Variants in NCOA1 observed in about 807,000 individuals in gnomAD.
The protein encoded by NCOA1 is Hin-2 protein.
NCOA1 carries 35 observed loss-of-function variants against 150.9 expected under a neutral mutation model. The observed-to-expected ratio is 0.23, with a 90% CI of 0.18 to 0.31. The LOEUF (loss-of-function observed/expected upper bound fraction) is 0.31, where lower values mean the gene tolerates loss of function less well. Ranked by LOEUF, NCOA1 falls within the 10% of genes least tolerant of loss-of-function variation. The probability of loss-of-function intolerance (pLI) is 1.00; values close to 1 mark genes in which losing one functional copy is unlikely to be tolerated. For missense variants in NCOA1, 1,491 were observed against 1,749.3 expected, an observed-to-expected ratio of 0.85 and a Z score of 2.63; for synonymous variants, 590 against 630.0, an observed-to-expected ratio of 0.94 and a Z score of 0.95.
chr2:24,536,911 C>T (rs13034152), intron 1 of NCOA1, among the ~76,000 whole-genome samples: 66 of 152,076 alleles, frequency 4.3e-4, no homozygotes, highest in African/African-American at 1.6e-3. Context: ...TAAGTAGGAG[C>T]TAAGCTATGG....
chr2:24,734,383 C>T (rs922747048), intron 17 of NCOA1, among the ~76,000 whole-genome samples: 1 of 152,060 alleles, frequency 6.6e-6, no homozygotes, highest in Non-Finnish European at 1.5e-5. Context: ...AAAATCTCAA[C>T]ATGGAATTTG....
At chr2:24,746,598 A>G (rs983618742) in intron 19 of NCOA1, among the ~76,000 whole-genome samples, 1 of 152,198 alleles carries the variant, frequency 6.6e-6, no homozygotes, top group African/African-American at 2.4e-5. Context: ...TTTTTCATCT[A>G]GAAGAACTAG....
intron 3 of NCOA1, among the ~76,000 whole-genome samples, chr2:24,633,868 A>G (rs1485296864): frequency 2.6e-5 from 4 of 152,214 alleles, no homozygotes; most frequent in East Asian, 1.9e-4. Context: ...ACTTATGCAT[A>G]TGAAGATCTG....
At position 24,491,438 on chromosome 2, in the gene NCOA1, C is replaced by T. The variant is rs1662946749; in HGVS notation, c.-560C>T. Among the ~76,000 whole-genome samples, 1 of 26,304 alleles carries T rather than the reference C, an allele frequency of 3.8e-5. No individual in the cohort carries two copies. Among genetic ancestry groups the T allele is most frequent in the African/African-American group, 2.2e-4 (1 of 4,598 alleles). The allele number at this position is 26,304 out of a possible 152,430, so 17.3% of individuals were successfully genotyped here. On this transcript the variant is annotated 5_prime_UTR_variant, in exon 1 of 23. Coordinates refer to ENST00000348332, the MANE Select transcript of NCOA1 (RefSeq NM_003743.5). ...CTGCTCCCTCGAGCGGAGCCTGCGTCAGGTTCCCTCTGCATCCCCCTGCGG... is the reference window on the plus strand; with the variant it reads ...CTGCTCCCTCGAGCGGAGCCTGCGTTAGGTTCCCTCTGCATCCCCCTGCGG...
rs1664732079 is a variant in NCOA1 at position 24,528,317 on chromosome 2, G to A, written c.-395-35978G>A. 4.0e-5 allele frequency among the ~76,000 whole-genome samples: 6 copies of A among 150,846 alleles called. No individual in the cohort carries two copies. In the Admixed American group the frequency reaches 4.0e-4, roughly 10 times the overall value. On this transcript the variant is annotated intron_variant, in intron 1 of 22. Coordinates refer to ENST00000348332, the MANE Select transcript of NCOA1 (RefSeq NM_003743.5). Reference sequence around the variant, plus strand: ...GTCTTACATTTGAATTAATTTCTGTGGCGTCAAATAAGGGTCCAATTTCAT... The same window carrying A: ...GTCTTACATTTGAATTAATTTCTGTAGCGTCAAATAAGGGTCCAATTTCAT...
At chr2:24,647,962 C>A (rs944390111) in intron 4 of NCOA1, among the ~76,000 whole-genome samples, 30 of 152,204 alleles carry the variant, frequency 2.0e-4, no homozygotes, top group African/African-American at 7.0e-4. Flanking sequence ...TGTTTGTTAT[C>A]ATAATTATTA....
At chr2:24,536,051 A>C (rs1391289616) in intron 1 of NCOA1, among the ~76,000 whole-genome samples, 7 of 152,332 alleles carry the variant, frequency 4.6e-5, no homozygotes, top group Middle Eastern at 3.4e-3. Flanking sequence ...GCATTTTCCA[A>C]CTTGGTTCCA....
chr2:24,715,192 C>CTT (rs1223016175), intron 14 of NCOA1, among the ~76,000 whole-genome samples: 1 of 152,028 alleles, frequency 6.6e-6, no homozygotes, highest in Non-Finnish European at 1.5e-5. Context: ...GATGGAAACT[C>CTT]TAACCTACAG....
In NCOA1 at chr2:24,752,145, A is replaced by G; in HGVS notation, c.3870A>G (p.Ile1290Met). 5 of 1,613,902 alleles carry G rather than the reference A, an allele frequency of 3.1e-6. No homozygotes were observed. Among genetic ancestry groups the G allele is most frequent in the Non-Finnish European group, 4.2e-6 (5 of 1,179,896 alleles). ...TGAAGGCCTGGCAGCAAGGAGCGAT[A>G]GGAAACAACAAGTAAGGGGGCAGTT... is the stretch of plus-strand genomic sequence containing the variant. ...PDMKAWQQGA[I>M]GNNNVFSQAV... Residue 1290 changes from isoleucine (I) to methionine (M), a missense_variant, in exon 20 of 23, where the codon ATA (isoleucine) becomes ATG (methionine). Ile to Met is a conservative substitution (Grantham distance 10, BLOSUM62 1). Around this residue, in one of 8 missense-constraint regions of NCOA1, gnomAD observed 485 missense variants for 522.8 expected, o/e 0.93. Coordinates refer to ENST00000348332, the MANE Select transcript of NCOA1 (RefSeq NM_003743.5).
intron 1 of NCOA1, among the ~76,000 whole-genome samples, chr2:24,534,035 AC>A (rs1483451548): frequency 6.6e-6 from 1 of 151,988 alleles, no homozygotes; most frequent in East Asian, 1.9e-4. Flanking sequence ...TCCTCTTTGT[AC>A]CTCTGGTAGA....
chr2:24,585,250 T>C (rs561015194), intron 3 of NCOA1, among the ~76,000 whole-genome samples: 33 of 152,338 alleles, frequency 2.2e-4, no homozygotes, highest in African/African-American at 7.7e-4. Context: ...CACTTATCCA[T>C]TGGAGTCTTA....
At chr2:24,606,080 A>AT (rs1048712812) in intron 3 of NCOA1, among the ~76,000 whole-genome samples, 2 of 151,876 alleles carry the variant, frequency 1.3e-5, no homozygotes, top group African/African-American at 2.4e-5. Context: ...TCTCTTTAAG[A>AT]TTTTTTTTAA....
At chr2:24,640,218 T>TAAAAAATGA (rs1376925063) in intron 3 of NCOA1, among the ~76,000 whole-genome samples, 2 of 151,750 alleles carry the variant, frequency 1.3e-5, no homozygotes, top group Non-Finnish European at 1.5e-5. Context: ...ACGTGTTATA[T>TAAAAAATGA]AAAAAATGGT....
At chr2:24,547,905 C>T (rs1230134084) in intron 1 of NCOA1, among the ~76,000 whole-genome samples, 2 of 141,842 alleles carry the variant, frequency 1.4e-5, no homozygotes, top group Non-Finnish European at 1.5e-5. Flanking sequence ...AGGAGAATGG[C>T]GTGAACCTGG....
chr2:24,514,578 G>A (rs1282474529), intron 1 of NCOA1, among the ~76,000 whole-genome samples: 7 of 151,804 alleles, frequency 4.6e-5, no homozygotes, highest in East Asian at 1.9e-4. Context: ...TGAGGCAGGC[G>A]GACCACTTGA....
rs1572644179 is a variant in NCOA1, at chr2:24,724,198, A to G, written c.2600-2391A>G. Among the ~76,000 whole-genome samples, 6 of 152,198 alleles carry G rather than the reference A, an allele frequency of 3.9e-5. No individual in the cohort carries two copies. The East Asian group carries it at 1.2e-3, about 29-fold the overall frequency. ...TTTGCAAAGATGATAACGAATGTTA[A>G]TAGCTTGATCGGGGGATCCCTAGGG... On this transcript the variant is annotated intron_variant, in intron 14 of 22. Transcript: ENST00000348332.
intron 15 of NCOA1, among the ~76,000 whole-genome samples, chr2:24,727,134 G>T (rs1202748565): frequency 1.2e-4 from 13 of 107,688 alleles, no homozygotes; most frequent in South Asian, 3.3e-4. Flanking sequence ...GTGAAACTCT[G>T]TCTCAAAAAA....
At chr2:24,509,929 A>G (rs1177216812) in intron 1 of NCOA1, among the ~76,000 whole-genome samples, 1 of 152,224 alleles carries the variant, frequency 6.6e-6, no homozygotes, top group African/African-American at 2.4e-5. Context: ...TGTCTGAACT[A>G]TTTTATAATG....
chr2:24,565,367 T>C (rs1311834433), intron 2 of NCOA1, among the ~76,000 whole-genome samples: 1 of 152,208 alleles, frequency 6.6e-6, no homozygotes, highest in Admixed American at 6.5e-5. Flanking sequence ...TCAGAGTTTG[T>C]TGATTTCTCT....
Sources: allele counts gnomAD v4.1 joint callset (sites outside exome capture counted in the v4.1 genomes callset), GRCh38; gene constraint gnomAD v4.1.1; regional missense constraint gnomAD v4.1.1; transcripts MANE v1.5; gene names NCBI Gene and HGNC (gene_info 2026-07-23, HGNC 2026-07-21).